Variants in TRIM73 observed in about 807,000 individuals in gnomAD.
TRIM73 encodes tripartite motif containing 73, also known as tripartite motif-containing protein 73.
For synonymous variants in TRIM73, 8 were observed against 115.4 expected (o/e 0.07, Z 5.97); for missense variants, 17 against 272.5 (o/e 0.06, Z 6.60).
intron 2 of TRIM73, chr7:75,402,626 G>A (rs1401097951): frequency 1.5e-3 from 5 of 3,316 alleles, no homozygotes; most frequent in Non-Finnish European, 3.4e-3. Flanking sequence ...TCCTGACCTC[G>A]TGATCCGCCC....
rs782221258 is a variant in TRIM73 at position 75,398,674 on chromosome 7, GACACACAC to G, written c.-18-217_-18-210del. Among the ~76,000 whole-genome samples, 47 of 36,330 alleles carry G rather than the reference GACACACAC, an allele frequency of 1.3e-3. 4 individuals carry two copies. The highest frequency in any genetic ancestry group is 0.025 in the Middle Eastern group (1 of 40). 23.8% of individuals were successfully genotyped at this position (36,330 alleles called of 152,430 possible). ...TCTCCAAATTTGAGTAAAAAATGTAGACACACACACACACACACACACACACACACACG... is the reference window on the plus strand; with the variant it reads ...TCTCCAAATTTGAGTAAAAAATGTAGACACACACACACACACACACACACG... On this transcript the variant is annotated intron_variant, in intron 1 of 4. Coordinates refer to ENST00000323819, the Ensembl canonical transcript of TRIM73.
chr7:75,404,762 TG>T, intron 3 of TRIM73, 76 bp from the exon 4 acceptor site: 1 of 588,984 alleles, frequency 1.7e-6, no homozygotes, highest in Non-Finnish European at 2.6e-6. Context: ...AGGAAGGCCC[TG>T]GGGACACCGA....
At chr7:75,405,022 T>C (rs782314081) in exon 4 of TRIM73, 2 of 1,612,808 alleles carry the variant, frequency 1.2e-6, no homozygotes, top group Non-Finnish European at 8.5e-7. Flanking sequence ...CCAAGCCGAG[T>C]GTGTGCTGGA....
intron 1 of TRIM73, among the ~76,000 whole-genome samples, chr7:75,396,289 G>A (rs1341229364): frequency 6.6e-6 from 1 of 152,200 alleles, no homozygotes; most frequent in South Asian, 2.1e-4. Flanking sequence ...CACTGCAGCC[G>A]CCACCTCCTG....
In TRIM73 at chr7:75,401,455, C is replaced by T. The variant is rs1217704713; in HGVS notation, c.399+2123C>T. On this transcript the variant is annotated intron_variant, in intron 2 of 4. Coordinates refer to ENST00000323819, the Ensembl canonical transcript of TRIM73. Reference sequence around the variant, plus strand: ...CTGGCCTCAAGTGATCCTCCCGTCTCGGCCTCCCAAAGTGCTGGGATTCCA... The same window carrying T: ...CTGGCCTCAAGTGATCCTCCCGTCTTGGCCTCCCAAAGTGCTGGGATTCCA... 3.1e-5 allele frequency among the ~76,000 whole-genome samples: 2 copies of T among 64,438 alleles called. 1 individual carries two copies. The highest frequency in any genetic ancestry group is 1.4e-4 in the African/African-American group (2 of 13,946). 42.3% of individuals were successfully genotyped at this position (64,438 alleles called of 152,430 possible). A position where few individuals can be genotyped will look rare whatever the true frequency, so the allele number is the denominator to read the frequency against.
chr7:75,397,833 G>GC (rs1404640796), intron 1 of TRIM73, among the ~76,000 whole-genome samples: 2 of 2,608 alleles, frequency 7.7e-4, no homozygotes, highest in Non-Finnish European at 1.3e-3. Context: ...CTGCCCCCCA[G>GC]CCCCCCACCC....
At position 75,397,937 on chromosome 7, in the gene TRIM73, C is replaced by T. The variant is rs1254966034; in HGVS notation, c.-18-979C>T. On this transcript the variant is annotated intron_variant, in intron 1 of 4. Transcript: ENST00000323819. ...TCCTGTTGGGGTCATGAGGTGTGGACGGTGTACCCAGTCCCTCTGTTTCTG... is the reference window on the plus strand; with the variant it reads ...TCCTGTTGGGGTCATGAGGTGTGGATGGTGTACCCAGTCCCTCTGTTTCTG... Among the ~76,000 whole-genome samples the T allele has an allele frequency of 1.1e-4, 2 of 18,158 alleles. 1 individual carries two copies. The highest frequency in any genetic ancestry group is 1.7e-4 in the Non-Finnish European group (2 of 11,740). 11.9% of individuals were successfully genotyped at this position (18,158 alleles called of 152,430 possible).
chr7:75,396,234 G>A (rs1284744749), intron 1 of TRIM73, among the ~76,000 whole-genome samples: 4 of 152,296 alleles, frequency 2.6e-5, no homozygotes, highest in Non-Finnish European at 5.9e-5. Context: ...GATTGACAGA[G>A]GCTCGCTCTG....
chr7:75,398,674 GACACACACACACACAC>G (rs782221258), intron 1 of TRIM73, among the ~76,000 whole-genome samples: 5 of 36,266 alleles, frequency 1.4e-4, no homozygotes, highest in African/African-American at 2.8e-4. Flanking sequence ...AAAAAATGTA[GACACACACACACACAC>G]ACACACACAC....
intron 1 of TRIM73, among the ~76,000 whole-genome samples, chr7:75,397,461 TAAAA>T (rs1195575232): frequency 1.6e-4 from 1 of 6,268 alleles, no homozygotes; most frequent in Non-Finnish European, 3.6e-4. Flanking sequence ...AACAATAAAA[TAAAA>T]AAAAAAATTC....
intron 2 of TRIM73, among the ~76,000 whole-genome samples, chr7:75,401,360 T>A (rs1421711516): frequency 2.0e-5 from 2 of 100,968 alleles, no homozygotes; most frequent in East Asian, 8.8e-4. Context: ...TGTTTTAGAT[T>A]TGGGCTTAAT....
rs201121158 is a variant in TRIM73, at chr7:75,405,136, G to A, written c.727-46G>A. 5.9e-4 allele frequency: 933 copies of A among 1,592,314 alleles called. 4 individuals are homozygous for A. The highest frequency in any genetic ancestry group is 8.4e-4 in the African/African-American group (59 of 70,248). ...GCCTTCCCCTTCCCAACAGTGCCCT[G>A]GCTTCCCACCTTCTAGCCTTAACCT... On this transcript the variant is annotated intron_variant, in intron 4 of 4. Coordinates refer to ENST00000323819, the Ensembl canonical transcript of TRIM73.
intron 2 of TRIM73, among the ~76,000 whole-genome samples, chr7:75,401,435 C>T (rs1788991521): frequency 1.3e-5 from 1 of 77,090 alleles, no homozygotes; most frequent in South Asian, 3.7e-4. Flanking sequence ...AACTCCTGGC[C>T]TCAAGTGATC....
At chr7:75,404,808 ACT>A in intron 3 of TRIM73, 29 bp from the exon 4 acceptor site, 2 of 1,061,986 alleles carry the variant, frequency 1.9e-6, no homozygotes, top group South Asian at 1.6e-5. Context: ...CTCGGCTGTG[ACT>A]CTGCAGTGAG....
intron 4 of TRIM73, 44 bp from the exon 5 acceptor site, chr7:75,405,138 C>T: frequency 6.3e-7 from 1 of 1,589,756 alleles, no homozygotes; most frequent in South Asian, 1.1e-5. Context: ...AGTGCCCTGG[C>T]TTCCCACCTT....
intron 2 of TRIM73, among the ~76,000 whole-genome samples, chr7:75,401,450 C>T (rs1308793188): frequency 2.9e-5 from 2 of 68,548 alleles, no homozygotes; most frequent in Admixed American, 1.6e-4. Context: ...GTGATCCTCC[C>T]GTCTCGGCCT....
intron 2 of TRIM73, among the ~76,000 whole-genome samples, chr7:75,401,385 G>A (rs1788990077): frequency 9.9e-6 from 1 of 101,198 alleles, no homozygotes; most frequent in South Asian, 2.9e-4. Flanking sequence ...TTTTTTTTTG[G>A]TAGAGACAGG....
At chr7:75,399,150 T>A (rs199563025) in exon 2 of TRIM73, 15 of 1,487,496 alleles carry the variant, frequency 1.0e-5, no homozygotes, top group African/African-American at 1.6e-5. Context: ...CTCCCTGGCC[T>A]GGGTGATCGA....
chr7:75,396,376 A>AT (rs1372864912), intron 1 of TRIM73, among the ~76,000 whole-genome samples: 11 of 132,800 alleles, frequency 8.3e-5, no homozygotes, highest in African/African-American at 3.0e-4. Flanking sequence ...CAGCTAATTT[A>AT]TTTTTTAGTT....
Sources: gnomAD v4.1 joint callset for allele counts (sites outside exome capture counted in the v4.1 genomes callset) on GRCh38, gnomAD v4.1.1 for gene constraint, MANE v1.5 for transcripts, NCBI Gene and HGNC (gene_info 2026-07-23, HGNC 2026-07-21) for gene names.